DACH2: variants seen among roughly 807,000 people sequenced by gnomAD.
DACH2 encodes dachshund homolog 2.
Under a neutral mutation model 35.8 loss-of-function variants are expected in DACH2, and 17 were observed. That is an observed-to-expected ratio of 0.48 (90% confidence interval 0.33 to 0.71). DACH2 has a LOEUF of 0.71. Ranked by LOEUF, DACH2 falls within the 30% of genes least tolerant of loss-of-function variation. The pLI is 0.02. For synonymous variants in DACH2, 195 were observed against 177.3 expected (o/e 1.10, Z -0.79); for missense variants, 469 against 472.7 (o/e 0.99, Z 0.07).
chrX:86,376,149 GTA>G (rs1360178894), intron 1 of DACH2, among the ~76,000 whole-genome samples: 10 of 94,010 alleles, frequency 1.1e-4, no homozygotes, highest in African/African-American at 1.7e-4. Context: ...GTGTGTGTGT[GTA>G]TGTGTGTGTG....
intron 2 of DACH2, among the ~76,000 whole-genome samples, chrX:86,386,058 A>G (rs1219780604): frequency 2.7e-5 from 3 of 111,757 alleles, no homozygotes; most frequent in East Asian, 2.8e-4. Context: ...TACTTTACTC[A>G]TATTTCTTCA....
At chrX:86,712,516 A>G (rs1024064388) in intron 5 of DACH2, among the ~76,000 whole-genome samples, 7 of 110,307 alleles carry the variant, frequency 6.3e-5, no homozygotes, top group African/African-American at 1.3e-4. Context: ...CGTTGTGTGT[A>G]TATATATATG....
intron 3 of DACH2, among the ~76,000 whole-genome samples, chrX:86,514,595 G>A (rs893532477): frequency 2.7e-5 from 3 of 111,846 alleles, no homozygotes; most frequent in South Asian, 3.7e-4. Flanking sequence ...AAAAATTGTC[G>A]TATCATTGCA....
intron 3 of DACH2, among the ~76,000 whole-genome samples, chrX:86,590,570 T>A (rs908636906): frequency 1.8e-5 from 2 of 111,965 alleles, no homozygotes; most frequent in African/African-American, 6.5e-5. Context: ...TCAGCTAATT[T>A]GGGTAACTAC....
rs759730792 is a variant in DACH2 at position 86,470,530 on chromosome X, A to T, written c.528-43749A>T. Reference sequence around the variant, plus strand: ...AGATATGGAATATAAGGAAGAAATAAATTGAAAATTAATACAATATGGAAG... The same window carrying T: ...AGATATGGAATATAAGGAAGAAATATATTGAAAATTAATACAATATGGAAG... On this transcript the variant is annotated intron_variant, in intron 2 of 11. Transcript: ENST00000373125. 5.4e-5 allele frequency among the ~76,000 whole-genome samples: 6 copies of T among 111,837 alleles called. No individual in the cohort carries two copies. In the South Asian group the frequency reaches 2.2e-3, roughly 41 times the overall value.
At chrX:86,274,620 G>A (rs1284663185) in intron 1 of DACH2, among the ~76,000 whole-genome samples, 1 of 105,461 alleles carries the variant, frequency 9.5e-6, no homozygotes, top group Non-Finnish European at 1.9e-5. Flanking sequence ...TCAGCCTCTC[G>A]AGTAGCTGGG....
chrX:86,489,839 A>T (rs980486949), intron 2 of DACH2, among the ~76,000 whole-genome samples: 4 of 111,601 alleles, frequency 3.6e-5, no homozygotes, highest in African/African-American at 1.3e-4. Context: ...AGAAGGAGAA[A>T]ATTACTCTGG....
At chrX:86,283,355 T>C (rs2034073098) in intron 1 of DACH2, among the ~76,000 whole-genome samples, 1 of 111,045 alleles carries the variant, frequency 9.0e-6, no homozygotes, top group Non-Finnish European at 1.9e-5. Flanking sequence ...AGAAATACCA[T>C]TGATCCAGCA....
intron 1 of DACH2, among the ~76,000 whole-genome samples, chrX:86,151,911 T>G (rs911564653): frequency 1.0e-4 from 11 of 110,488 alleles, no homozygotes; most frequent in Non-Finnish European, 1.5e-4. Flanking sequence ...AGCAGAGTGA[T>G]GCCTTGAGAC....
At chrX:86,367,807 G>T (rs765963349) in intron 1 of DACH2, among the ~76,000 whole-genome samples, 11 of 111,784 alleles carry the variant, frequency 9.8e-5, no homozygotes, top group Non-Finnish European at 2.1e-4. Flanking sequence ...TGGAAACAAA[G>T]TCATAAGCTC....
intron 1 of DACH2, among the ~76,000 whole-genome samples, chrX:86,234,122 A>T (rs2033007960): frequency 8.9e-6 from 1 of 112,243 alleles, no homozygotes; most frequent in Non-Finnish European, 1.9e-5. Flanking sequence ...TTTGTAATGT[A>T]CTTTTCACAG....
intron 1 of DACH2, among the ~76,000 whole-genome samples, chrX:86,164,950 G>GTT (rs143924527): frequency 0.23 from 24,698 of 107,433 alleles, 2,810 homozygotes; most frequent in Non-Finnish European, 0.34. Flanking sequence ...TTTTAAAATA[G>GTT]TTTTTTTTTC....
chrX:86,202,147 C>A (rs1027521841), intron 1 of DACH2, among the ~76,000 whole-genome samples: 1 of 111,431 alleles, frequency 9.0e-6, no homozygotes, highest in South Asian at 3.7e-4. Flanking sequence ...TGGTAACATA[C>A]TAGGCTGTGT....
chrX:86,705,442 C>G (rs1001082143), intron 5 of DACH2, among the ~76,000 whole-genome samples: 1 of 110,163 alleles, frequency 9.1e-6, no homozygotes, highest in Admixed American at 9.7e-5. Context: ...CTCATGGAAA[C>G]AAGAAATAAG....
intron 3 of DACH2, among the ~76,000 whole-genome samples, chrX:86,589,988 A>G (rs2039622465): frequency 9.0e-6 from 1 of 111,698 alleles, no homozygotes; most frequent in East Asian, 2.8e-4. Flanking sequence ...TCAAAGAGAG[A>G]ACACTTAGGA....
At chrX:86,643,730 A>G (rs1324612307) in intron 3 of DACH2, among the ~76,000 whole-genome samples, 1 of 108,909 alleles carries the variant, frequency 9.2e-6, no homozygotes, top group East Asian at 3.0e-4. Context: ...ATATTTGCAA[A>G]CCAAATCTTG....
intron 1 of DACH2, among the ~76,000 whole-genome samples, chrX:86,289,050 G>T (rs1035457539): frequency 3.6e-5 from 4 of 110,270 alleles, no homozygotes; most frequent in Non-Finnish European, 7.6e-5. Flanking sequence ...TAGTATCTGG[G>T]TATCACTGCT....
In DACH2 at chrX:86,611,580, T is replaced by A. The variant is rs192975121; in HGVS notation, c.641-39456T>A. On this transcript the variant is annotated intron_variant, in intron 3 of 11. Coordinates refer to ENST00000373125, the MANE Select transcript of DACH2 (RefSeq NM_053281.3). The stretch of plus-strand genomic sequence containing the variant: ...TCCATGATCATGAAGCTTGCCATAA[T>A]TAAAGATCTGACTGATGGGAAGGGA... Among the ~76,000 whole-genome samples the A allele has an allele frequency of 3.3e-3, 374 of 111,712 alleles. 1 individual carries two copies. The highest frequency in any genetic ancestry group is 5.0e-3 in the Non-Finnish European group (263 of 53,126).
chrX:86,765,109 A>T (rs2041919189), intron 7 of DACH2, among the ~76,000 whole-genome samples: 1 of 110,778 alleles, frequency 9.0e-6, no homozygotes, highest in African/African-American at 3.3e-5. Flanking sequence ...GATTTGTTTA[A>T]GTTCCTTGTA....
Sources: gnomAD v4.1 joint callset for allele counts (sites outside exome capture counted in the v4.1 genomes callset) on GRCh38, gnomAD v4.1.1 for gene constraint, MANE v1.5 for transcripts, NCBI Gene and HGNC (gene_info 2026-07-23, HGNC 2026-07-21) for gene names.